Variants in CTNND2 observed in about 807,000 individuals in gnomAD.
CTNND2 encodes the protein catenin delta-2.
CTNND2 carries 22 observed loss-of-function variants against 144.4 expected under a neutral mutation model. The observed-to-expected ratio is 0.15, with a 90% CI of 0.11 to 0.22. The LOEUF is 0.22. Ranked by LOEUF, CTNND2 falls within the 10% of genes least tolerant of loss-of-function variation. The pLI, the probability that CTNND2 is intolerant of heterozygous loss-of-function variation, is 1.00. For synonymous variants in CTNND2, 751 were observed against 695.6 expected, an observed-to-expected ratio of 1.08 and a Z score of -1.25; for missense variants, 1,353 against 1,618.8, an observed-to-expected ratio of 0.84 and a Z score of 2.82.
chr5:11,252,076 T>C (rs920305261), intron 9 of CTNND2, among the ~76,000 whole-genome samples: 1 of 152,236 alleles, frequency 6.6e-6, no homozygotes, highest in Non-Finnish European at 1.5e-5. Flanking sequence ...TTAGTGGCAG[T>C]AGCATTACTG....
chr5:11,375,210 A>G (rs1238821252), intron 7 of CTNND2, among the ~76,000 whole-genome samples: 1 of 151,976 alleles, frequency 6.6e-6, no homozygotes, highest in Non-Finnish European at 1.5e-5. Context: ...TCCCTATATC[A>G]TTTTCTTCTA....
chr5:11,292,041 C>T (rs935815985), intron 9 of CTNND2, among the ~76,000 whole-genome samples: 23 of 152,054 alleles, frequency 1.5e-4, no homozygotes, highest in African/African-American at 5.6e-4. Context: ...GCACTATGTT[C>T]GAATCTGCTT....
chr5:11,717,131 G>A (rs1418027342), intron 2 of CTNND2, among the ~76,000 whole-genome samples: 2 of 151,818 alleles, frequency 1.3e-5, no homozygotes, highest in South Asian at 2.1e-4. Flanking sequence ...GCCTCCCAAA[G>A]TGCTGGGATT....
At chr5:11,738,435 C>T (rs1787820398) in intron 1 of CTNND2, among the ~76,000 whole-genome samples, 1 of 152,172 alleles carries the variant, frequency 6.6e-6, no homozygotes. Flanking sequence ...ATAGTCTAAA[C>T]TTTTCTTTCC....
At chr5:11,067,309 G>C (rs1003840451) in intron 16 of CTNND2, among the ~76,000 whole-genome samples, 7 of 152,212 alleles carry the variant, frequency 4.6e-5, no homozygotes, top group African/African-American at 1.7e-4. Flanking sequence ...CATTTTTGGA[G>C]AATGGTCAAG....
At chr5:11,685,209 A>T (rs2126636459) in intron 2 of CTNND2, among the ~76,000 whole-genome samples, 1 of 152,312 alleles carries the variant, frequency 6.6e-6, no homozygotes, top group Non-Finnish European at 1.5e-5. Context: ...AGTTCACATG[A>T]GGGGCAGCAG....
At chr5:11,536,238 T>C (rs534569518) in intron 3 of CTNND2, among the ~76,000 whole-genome samples, 10 of 152,158 alleles carry the variant, frequency 6.6e-5, no homozygotes, top group African/African-American at 2.4e-4. Context: ...GATTTTTTTA[T>C]TTTTTGGTAG....
intron 9 of CTNND2, among the ~76,000 whole-genome samples, chr5:11,300,313 A>G (rs1042182605): frequency 6.6e-6 from 1 of 152,180 alleles, no homozygotes; most frequent in African/African-American, 2.4e-5. Context: ...GAGGACACCC[A>G]AGGGAACTTC....
chr5:11,094,445 A>ATGAT (rs993278301), intron 15 of CTNND2, among the ~76,000 whole-genome samples: 16 of 145,402 alleles, frequency 1.1e-4, no homozygotes, highest in African/African-American at 3.8e-4. Flanking sequence ...CTCCCTCCTT[A>ATGAT]TGATGGTCTA....
chr5:11,285,097 A>T (rs778671751), intron 9 of CTNND2, among the ~76,000 whole-genome samples: 1 of 152,190 alleles, frequency 6.6e-6, no homozygotes. Context: ...CACCTTTGAT[A>T]TCTGATTCCC....
At chr5:11,902,822 C>G (rs373046234) in intron 1 of CTNND2, among the ~76,000 whole-genome samples, 19 of 152,182 alleles carry the variant, frequency 1.2e-4, no homozygotes, top group African/African-American at 4.6e-4. Context: ...CAACCTGCCC[C>G]TCTATCTCTC....
At chr5:11,624,873 T>C (rs1021278365) in intron 2 of CTNND2, among the ~76,000 whole-genome samples, 9 of 152,080 alleles carry the variant, frequency 5.9e-5, no homozygotes, top group African/African-American at 1.9e-4. Flanking sequence ...TATATTTATT[T>C]AGCATCTACT....
chr5:11,129,890 C>G (rs1755390670), intron 12 of CTNND2, among the ~76,000 whole-genome samples: 1 of 152,146 alleles, frequency 6.6e-6, no homozygotes, highest in African/African-American at 2.4e-5. Flanking sequence ...CCTCCATAAA[C>G]TTTTATTGGT....
chr5:11,639,350 G>A (rs73743005), intron 2 of CTNND2, among the ~76,000 whole-genome samples: 185 of 152,144 alleles, frequency 1.2e-3, no homozygotes, highest in African/African-American at 4.2e-3. Context: ...TTGGAAACTC[G>A]GAACCCACCA....
intron 3 of CTNND2, among the ~76,000 whole-genome samples, chr5:11,464,253 T>C (rs1032175244): frequency 1.3e-5 from 2 of 152,140 alleles, no homozygotes; most frequent in African/African-American, 4.8e-5. Flanking sequence ...CATAATTCTG[T>C]AGCATGTTAG....
intron 1 of CTNND2, among the ~76,000 whole-genome samples, chr5:11,833,843 C>T (rs966451420): frequency 7.2e-5 from 11 of 152,242 alleles, no homozygotes; most frequent in African/African-American, 2.6e-4. Context: ...TTCTATCTCC[C>T]TTTTGGCTGC....
chr5:11,696,386 T>G (rs1366177391), intron 2 of CTNND2, among the ~76,000 whole-genome samples: 1 of 152,220 alleles, frequency 6.6e-6, no homozygotes, highest in Non-Finnish European at 1.5e-5. Context: ...GAATCAGCCT[T>G]GGGCTATAGT....
At chr5:11,818,402 G>A (rs949808840) in intron 1 of CTNND2, among the ~76,000 whole-genome samples, 3 of 147,250 alleles carry the variant, frequency 2.0e-5, no homozygotes, top group East Asian at 2.0e-4. Context: ...TTTTTTCCTC[G>A]CTGTCACCCA....
At chr5:11,190,689 C>T (rs61751805) in intron 11 of CTNND2, among the ~76,000 whole-genome samples, 6,667 of 152,222 alleles carry the variant, frequency 0.044, 182 homozygotes, top group South Asian at 0.056. Context: ...CAGCCATACA[C>T]ATTTGTTGAT....
Sources: allele counts gnomAD v4.1 joint callset (sites outside exome capture counted in the v4.1 genomes callset), GRCh38; gene constraint gnomAD v4.1.1; transcripts MANE v1.5; gene names NCBI Gene and HGNC (gene_info 2026-07-23, HGNC 2026-07-21).